Variants in PURB observed in about 807,000 individuals in gnomAD.
PURB encodes purine rich element binding protein B.
Under a neutral mutation model 21.1 loss-of-function variants are expected in PURB, and 11 were observed. The ratio of observed to expected loss-of-function variants is 0.52; its 90% CI spans 0.33 to 0.86. The LOEUF is 0.86. Among genes scored for constraint, PURB ranks in the 40% least tolerant of loss-of-function variants. The probability of loss-of-function intolerance (pLI) is 0.02; values close to 1 mark genes in which losing one functional copy is unlikely to be tolerated. For missense variants in PURB, 357 were observed against 456.5 expected, an observed-to-expected ratio of 0.78 and a Z score of 1.99; for synonymous variants, 246 against 210.8, an observed-to-expected ratio of 1.17 and a Z score of -1.45.
rs753049146 is a variant in PURB at position 44,885,097 on chromosome 7, G to A, written c.252C>T (p.Arg84=). ...TLSMAVAAEF[R]DSLGDFIEHY... The stretch of plus-strand genomic sequence containing the variant: ...GTTCTATGAAGTCGCCCAGCGAGTC[G>A]CGGAACTCGGCGGCCACCGCCATGG... Residue 84 remains arginine, a synonymous_variant, in exon 1 of 1, where the codon CGC becomes CGT. Coordinates refer to ENST00000395699, the MANE Select transcript of PURB (RefSeq NM_033224.5). 1 of 1,573,864 alleles carries A rather than the reference G, an allele frequency of 6.4e-7. No homozygotes were observed. The highest frequency in any genetic ancestry group is 8.6e-7 in the Non-Finnish European group (1 of 1,165,172).
Position 44,884,022 on chromosome 7 carries a change from A to C in PURB, c.*388T>G. On this transcript the variant is annotated 3_prime_UTR_variant, in exon 1 of 1. Coordinates refer to ENST00000395699, the MANE Select transcript of PURB (RefSeq NM_033224.5). Reference sequence around the variant, plus strand: ...ATGCCAGATTACCCAGGTGCAACCTAAATGCAACTGTTATCAATGGTCTGG... The same window carrying C: ...ATGCCAGATTACCCAGGTGCAACCTCAATGCAACTGTTATCAATGGTCTGG... 1 of 241,016 alleles carries C rather than the reference A, an allele frequency of 4.1e-6. No homozygotes were observed. The highest frequency in any genetic ancestry group is 8.2e-6 in the Non-Finnish European group (1 of 122,560). The allele number at this position is 241,016 out of a possible 1,614,324, so 14.9% of individuals were successfully genotyped here. A position where few individuals can be genotyped will look rare whatever the true frequency, so the allele number is the denominator to read the frequency against.
chr7:44,884,302 G>T lies in PURB; in HGVS notation c.*108C>A. 1.3e-6 allele frequency: 2 copies of T among 1,508,482 alleles called. No homozygotes were observed. Among genetic ancestry groups the T allele is most frequent in the Non-Finnish European group, 1.8e-6 (2 of 1,136,866 alleles). The allele number at this position is 1,508,482 out of a possible 1,614,324, so 93.4% of individuals were successfully genotyped here. ...TTACGTTTTGTTTTTTCCCTCTGCG[G>T]CCTCCCTTGCTCCCTCTCCACTAGC... On this transcript the variant is annotated 3_prime_UTR_variant, in exon 1 of 1. Coordinates refer to ENST00000395699, the MANE Select transcript of PURB (RefSeq NM_033224.5).
Position 44,884,454 on chromosome 7 carries a change from C to G in PURB, c.895G>C (p.Gly299Arg), listed in dbSNP as rs1370992930. 5 of 1,613,770 alleles carry G rather than the reference C, an allele frequency of 3.1e-6. No homozygotes were observed. Among genetic ancestry groups the G allele is most frequent in the Non-Finnish European group, 4.2e-6 (5 of 1,180,024 alleles). ...KLYERRGGGS[G>R]GGEESEGEEV... ...TCACCCTCTGACTCTTCGCCGCCGC[C>G]GCTGCCCCCACCACGTCGCTCATAA... The change falls in exon 1 of 1, where the codon GGC (glycine) becomes CGC (arginine). Residue 299 changes from glycine (G) to arginine (R), a missense_variant. By Grantham distance (125) the Gly-to-Arg change is moderately radical. Transcript: ENST00000395699.
In PURB at chr7:44,884,424, C is replaced by T. The variant is rs1793924844; in HGVS notation, c.925G>A (p.Val309Met). Residue 309 changes from valine (V) to methionine (M), a missense_variant, in exon 1 of 1, where the codon GTG (valine) becomes ATG (methionine). Val to Met is a conservative substitution (Grantham distance 21). Coordinates refer to ENST00000395699, the MANE Select transcript of PURB (RefSeq NM_033224.5). Reference sequence around the variant, plus strand: ...AGCTGCCCGTTTCAATCCTCATCCACCTCCTCACCCTCTGACTCTTCGCCG... The same window carrying T: ...AGCTGCCCGTTTCAATCCTCATCCATCTCCTCACCCTCTGACTCTTCGCCG... The part of the protein sequence containing the change: ...GGGEESEGEE[V>M]DED 6.2e-7 allele frequency: 1 copy of T among 1,613,270 alleles called. No homozygotes were observed. Among genetic ancestry groups the T allele is most frequent in the Non-Finnish European group, 8.5e-7 (1 of 1,179,952 alleles).
rs1379174249 is a variant in PURB at position 44,880,255 on chromosome 7, G to A, written c.*4155C>T. 6.6e-6 allele frequency: 1 copy of A among 152,464 alleles called. No individual in the cohort carries two copies. The highest frequency in any genetic ancestry group is 6.6e-5 in the Admixed American group (1 of 15,262). 9.4% of individuals were successfully genotyped at this position (152,464 alleles called of 1,614,324 possible). A position where few individuals can be genotyped will look rare whatever the true frequency, so the allele number is the denominator to read the frequency against. On this transcript the variant is annotated 3_prime_UTR_variant, in exon 1 of 1. Transcript: ENST00000395699. ...AGAAAGACAAACTCTCAGCAAATGA[G>A]TCATTTCTACATAAGCAAAAAAGTC...
In PURB at chr7:44,879,430, C is replaced by T. The variant is rs1022349206; in HGVS notation, c.*4980G>A. ...TTTTTTTTTTCTTTTTTCTTTTCTA[C>T]AAACTATCTCCCGCCCTCCCCAGCC... On this transcript the variant is annotated 3_prime_UTR_variant, in exon 1 of 1. Coordinates refer to ENST00000395699, the MANE Select transcript of PURB (RefSeq NM_033224.5). 1 of 148,320 alleles carries T rather than the reference C, an allele frequency of 6.7e-6. No homozygotes were observed. The highest frequency in any genetic ancestry group is 2.5e-5 in the African/African-American group (1 of 40,132). The allele number at this position is 148,320 out of a possible 1,614,324, so 9.2% of individuals were successfully genotyped here.
chr7:44,878,518 T>C lies in PURB; in HGVS notation c.*5892A>G, dbSNP rs975003013. ...AGCAGTGAAACTACCAATATGGCAG[T>C]TGCTATTCTATTGTTTTAACATGAC... On this transcript the variant is annotated 3_prime_UTR_variant, in exon 1 of 1. Coordinates refer to ENST00000395699, the MANE Select transcript of PURB (RefSeq NM_033224.5). The C allele has an allele frequency of 6.6e-6, 1 of 152,562 alleles. No homozygotes were observed. The highest frequency in any genetic ancestry group is 1.5e-5 in the Non-Finnish European group (1 of 68,034). The allele number at this position is 152,562 out of a possible 1,614,324, so 9.5% of individuals were successfully genotyped here.
rs978256646 is a variant in PURB, at chr7:44,877,740, G to T, written c.*6670C>A. The T allele has an allele frequency of 6.6e-6, 1 of 151,904 alleles. No individual in the cohort carries two copies. Among genetic ancestry groups the T allele is most frequent in the Non-Finnish European group, 1.5e-5 (1 of 68,034 alleles). 9.4% of individuals were successfully genotyped at this position (151,904 alleles called of 1,614,324 possible). ...AATCGCTTGAGCCCGGGAGGCAAAG[G>T]TTGCAGTGAGCTGAGATCAAGCCAC... On this transcript the variant is annotated 3_prime_UTR_variant, in exon 1 of 1. Coordinates refer to ENST00000395699, the MANE Select transcript of PURB (RefSeq NM_033224.5).
In PURB at chr7:44,879,171, G is replaced by A. The variant is rs189970948; in HGVS notation, c.*5239C>T. 2 of 152,456 alleles carry A rather than the reference G, an allele frequency of 1.3e-5. No homozygotes were observed. The highest frequency in any genetic ancestry group is 3.8e-4 in the East Asian group (2 of 5,198). 9.4% of individuals were successfully genotyped at this position (152,456 alleles called of 1,614,324 possible). On this transcript the variant is annotated 3_prime_UTR_variant, in exon 1 of 1. Transcript: ENST00000395699. ...TTCTCCTGCCTCAGCCTCCCAAGTA[G>A]CTGGGACTACAGGCATGCACCACCA...
In PURB at chr7:44,883,085, G is replaced by A. The variant is rs936169419; in HGVS notation, c.*1325C>T. The stretch of plus-strand genomic sequence containing the variant: ...CAGTTCCATTCACAGATGGATTTCA[G>A]CTTCCACCGGGTGCACTGCTTGAAT... On this transcript the variant is annotated 3_prime_UTR_variant, in exon 1 of 1. Coordinates refer to ENST00000395699, the MANE Select transcript of PURB (RefSeq NM_033224.5). 1 of 152,552 alleles carries A rather than the reference G, an allele frequency of 6.6e-6. No individual in the cohort carries two copies. The highest frequency in any genetic ancestry group is 2.4e-5 in the African/African-American group (1 of 41,424). The allele number at this position is 152,552 out of a possible 1,614,324, so 9.4% of individuals were successfully genotyped here.
Position 44,879,606 on chromosome 7 carries a change from A to G in PURB, c.*4804T>C, listed in dbSNP as rs1793848265. ...TTCAGTGCTGTAGTTGACAGGAAAG[A>G]AAAAGTTACCTTAAGGCTCAAGGGA... is the stretch of plus-strand genomic sequence containing the variant. On this transcript the variant is annotated 3_prime_UTR_variant, in exon 1 of 1. Coordinates refer to ENST00000395699, the MANE Select transcript of PURB (RefSeq NM_033224.5). The G allele has an allele frequency of 6.6e-6, 1 of 152,612 alleles. No homozygotes were observed. The highest frequency in any genetic ancestry group is 2.4e-5 in the African/African-American group (1 of 41,444). 9.5% of individuals were successfully genotyped at this position (152,612 alleles called of 1,614,324 possible). A position where few individuals can be genotyped will look rare whatever the true frequency, so the allele number is the denominator to read the frequency against.
In PURB at chr7:44,884,387, G is replaced by T; in HGVS notation, c.*23C>A. The T allele has an allele frequency of 1.2e-6, 2 of 1,606,806 alleles. No homozygotes were observed. The highest frequency in any genetic ancestry group is 1.7e-6 in the Non-Finnish European group (2 of 1,177,128). On this transcript the variant is annotated 3_prime_UTR_variant, in exon 1 of 1. Coordinates refer to ENST00000395699, the MANE Select transcript of PURB (RefSeq NM_033224.5). ...CCAAGGGGATGGTGGTTGGGTGGAG[G>T]CCTGTAGGGGAAGCTGCCCGTTTCA...
At position 44,885,419 on chromosome 7, in the gene PURB, G is replaced by GC. The variant is rs1368273372; in HGVS notation, c.-72dup. 3 of 524,306 alleles carry GC rather than the reference G, an allele frequency of 5.7e-6. No homozygotes were observed. The highest frequency in any genetic ancestry group is 7.3e-6 in the Non-Finnish European group (3 of 408,268). The allele number at this position is 524,306 out of a possible 1,614,324, so 32.5% of individuals were successfully genotyped here. ...CCCGCCCTCCGGCTCGCGCTCCGGG[G>GC]CCCCCCAGCCTCGCCCGCCCGGCTC... On this transcript the variant is annotated 5_prime_UTR_variant, in exon 1 of 1. Transcript: ENST00000395699.
At position 44,880,902 on chromosome 7, in the gene PURB, G is replaced by A. The variant is rs1793867101; in HGVS notation, c.*3508C>T. The stretch of plus-strand genomic sequence containing the variant: ...TCCGATAGTTACATAGGGTGTTTGG[G>A]TTTTTGGTTTGGTTTTCACTTTGAT... On this transcript the variant is annotated 3_prime_UTR_variant, in exon 1 of 1. Coordinates refer to ENST00000395699, the MANE Select transcript of PURB (RefSeq NM_033224.5). The A allele has an allele frequency of 6.6e-6, 1 of 152,608 alleles. No homozygotes were observed. The highest frequency in any genetic ancestry group is 1.5e-5 in the Non-Finnish European group (1 of 68,040). 9.5% of individuals were successfully genotyped at this position (152,608 alleles called of 1,614,324 possible). A position where few individuals can be genotyped will look rare whatever the true frequency, so the allele number is the denominator to read the frequency against.
rs981185773 is a variant in PURB, at chr7:44,878,406, C to T, written c.*6004G>A. 7.2e-5 allele frequency: 11 copies of T among 152,150 alleles called. No homozygotes were observed. The highest frequency in any genetic ancestry group is 1.5e-4 in the Non-Finnish European group (10 of 68,016). 9.4% of individuals were successfully genotyped at this position (152,150 alleles called of 1,614,324 possible). ...TGTTGACACTTAAAGTATAATTATA[C>T]TTTTTTATTAAACTGTTAGAATCAT... On this transcript the variant is annotated 3_prime_UTR_variant, in exon 1 of 1. Transcript: ENST00000395699.
Position 44,876,541 on chromosome 7 carries a change from C to G in PURB, c.*7869G>C, listed in dbSNP as rs1267806023. On this transcript the variant is annotated 3_prime_UTR_variant, in exon 1 of 1. Transcript: ENST00000395699. Reference sequence around the variant, plus strand: ...ACATTGCTCTTTTGAAGCAGCCCTGCTCCTCTCAAAATTGATCAGAATCTG... The same window carrying G: ...ACATTGCTCTTTTGAAGCAGCCCTGGTCCTCTCAAAATTGATCAGAATCTG... 6.6e-6 allele frequency: 1 copy of G among 152,630 alleles called. No homozygotes were observed. The highest frequency in any genetic ancestry group is 1.5e-5 in the Non-Finnish European group (1 of 68,044). 9.5% of individuals were successfully genotyped at this position (152,630 alleles called of 1,614,324 possible). A position where few individuals can be genotyped will look rare whatever the true frequency, so the allele number is the denominator to read the frequency against.
Position 44,884,833 on chromosome 7 carries a change from G to T in PURB, c.516C>A (p.Ile172=). The T allele has an allele frequency of 6.3e-7, 1 of 1,576,280 alleles. No individual in the cohort carries two copies. The highest frequency in any genetic ancestry group is 8.6e-7 in the Non-Finnish European group (1 of 1,161,992). The change falls in exon 1 of 1, where the codon ATC becomes ATA. Residue 172 remains isoleucine (I), a synonymous_variant. Transcript: ENST00000395699. ...GPGGLQSGQT[I]ALPAQGLIEF... Reference sequence around the variant, plus strand: ...CGATGAGGCCCTGCGCAGGCAGCGCGATGGTCTGGCCGCTCTGCAAGCCGC... The same window carrying T: ...CGATGAGGCCCTGCGCAGGCAGCGCTATGGTCTGGCCGCTCTGCAAGCCGC...
rs1350735853 is a variant in PURB, at chr7:44,876,638, G to C, written c.*7772C>G. ...CTTTTGAACGGTTTTCAGGAAGTGTGATTTCTGAATGGGTACTGCACTTCA... is the reference window on the plus strand; with the variant it reads ...CTTTTGAACGGTTTTCAGGAAGTGTCATTTCTGAATGGGTACTGCACTTCA... On this transcript the variant is annotated 3_prime_UTR_variant, in exon 1 of 1. Transcript: ENST00000395699. 1 of 152,604 alleles carries C rather than the reference G, an allele frequency of 6.6e-6. No homozygotes were observed. Among genetic ancestry groups the C allele is most frequent in the Non-Finnish European group, 1.5e-5 (1 of 68,034 alleles). The allele number at this position is 152,604 out of a possible 1,614,324, so 9.5% of individuals were successfully genotyped here.
rs1172910388 is a variant in PURB, at chr7:44,881,747, T to C, written c.*2663A>G. ...TCTCTGGTAACCAAAGCTGATGCCA[T>C]ATATGGTAGTGTTCTTGGCATATAC... On this transcript the variant is annotated 3_prime_UTR_variant, in exon 1 of 1. Transcript: ENST00000395699. 2 of 154,668 alleles carry C rather than the reference T, an allele frequency of 1.3e-5. No homozygotes were observed. Among genetic ancestry groups the C allele is most frequent in the African/African-American group, 2.4e-5 (1 of 41,522 alleles). 9.6% of individuals were successfully genotyped at this position (154,668 alleles called of 1,614,324 possible). A position where few individuals can be genotyped will look rare whatever the true frequency, so the allele number is the denominator to read the frequency against.
Sources: allele counts gnomAD v4.1 joint callset, GRCh38; gene constraint gnomAD v4.1.1; transcripts MANE v1.5; gene names NCBI Gene and HGNC (gene_info 2026-07-23, HGNC 2026-07-21).